SLC30A7: variants seen among roughly 807,000 people sequenced by gnomAD.
The protein encoded by SLC30A7 is zinc transporter 7.
Under a neutral mutation model 46.0 loss-of-function variants are expected in SLC30A7, and 35 were observed. That is an observed-to-expected ratio of 0.76 (90% CI 0.58 to 1.01). The LOEUF is 1.01. Ranked by LOEUF, SLC30A7 falls within the 50% of genes least tolerant of loss-of-function variation. SLC30A7 has a pLI of 0.00. For synonymous variants in SLC30A7, 147 were observed against 157.8 expected, an observed-to-expected ratio of 0.93 and a Z score of 0.51; for missense variants, 464 against 451.1, an observed-to-expected ratio of 1.03 and a Z score of -0.26.
chr1:100,968,492 A>C (rs1259795271), intron 10 of SLC30A7, among the ~76,000 whole-genome samples: 1 of 152,062 alleles, frequency 6.6e-6, no homozygotes, highest in Non-Finnish European at 1.5e-5. Flanking sequence ...TTTCCAAAGT[A>C]AAAAGTTGAA....
chr1:100,945,412 G>A (rs1396907697), intron 8 of SLC30A7, among the ~76,000 whole-genome samples: 1 of 152,070 alleles, frequency 6.6e-6, no homozygotes, highest in Non-Finnish European at 1.5e-5. Flanking sequence ...GGGGTTTTAT[G>A]GTTTTAGGTC....
chr1:100,909,413 T>C (rs1246859501), intron 3 of SLC30A7, among the ~76,000 whole-genome samples: 1 of 152,152 alleles, frequency 6.6e-6, no homozygotes, highest in Non-Finnish European at 1.5e-5. Flanking sequence ...ATACATCCAG[T>C]AGGTAGATAG....
intron 8 of SLC30A7, among the ~76,000 whole-genome samples, chr1:100,936,179 C>T (rs1040590278): frequency 6.6e-6 from 1 of 151,584 alleles, no homozygotes; most frequent in African/African-American, 2.4e-5. Context: ...TTTTGTCAAG[C>T]GGCTGAAGTG....
Position 100,903,783 on chromosome 1 carries a change from T to C in SLC30A7, c.183-3069T>C, listed in dbSNP as rs1487956668. Among the ~76,000 whole-genome samples the C allele has an allele frequency of 2.6e-5, 4 of 152,248 alleles. No homozygotes were observed. The East Asian group carries it at 7.7e-4, about 29-fold the overall frequency. ...GACTTAGTTTCTAATTATATAATTA[T>C]TCCAAATTATGAGAAAAATTTAAAA... On this transcript the variant is annotated intron_variant, in intron 2 of 10. Coordinates refer to ENST00000357650, the MANE Select transcript of SLC30A7 (RefSeq NM_133496.5).
chr1:100,931,297 A>T (rs754958409), intron 8 of SLC30A7, among the ~76,000 whole-genome samples: 113 of 152,214 alleles, frequency 7.4e-4, no homozygotes, highest in Non-Finnish European at 1.2e-3. Flanking sequence ...AGTATATTTT[A>T]AAAATTCCTG....
intron 8 of SLC30A7, among the ~76,000 whole-genome samples, chr1:100,951,222 G>C (rs574609510): frequency 6.6e-6 from 1 of 152,252 alleles, no homozygotes; most frequent in Non-Finnish European, 1.5e-5. Flanking sequence ...AAGCAGGGGA[G>C]GGGTATGTCA....
At chr1:100,952,433 T>C (rs1326848890) in intron 8 of SLC30A7, among the ~76,000 whole-genome samples, 17 of 152,164 alleles carry the variant, frequency 1.1e-4, no homozygotes, top group Admixed American at 1.1e-3. Context: ...CTGCCACACT[T>C]TCAGTAAAAG....
intron 8 of SLC30A7, among the ~76,000 whole-genome samples, chr1:100,960,831 T>C (rs868120987): frequency 6.6e-6 from 1 of 152,052 alleles, no homozygotes; most frequent in African/African-American, 2.4e-5. Context: ...AGATTCTGAT[T>C]CAATATATCA....
rs12127745 is a variant in SLC30A7 at position 100,955,632 on chromosome 1, G to A, written c.843-6196G>A. On this transcript the variant is annotated intron_variant, in intron 8 of 10. Transcript: ENST00000357650. ...CAGTCAGGAATTTGCTAAGCTTGTC[G>A]TTTTCTACATTTCCTTTCATTATGG... 5.9e-5 allele frequency among the ~76,000 whole-genome samples: 9 copies of A among 152,086 alleles called. No homozygotes were observed. In the East Asian group the frequency reaches 1.5e-3, roughly 26 times the overall value.
At chr1:100,928,594 ATTATT>A (rs1181430339) in intron 8 of SLC30A7, among the ~76,000 whole-genome samples, 10 of 151,914 alleles carry the variant, frequency 6.6e-5, no homozygotes, top group East Asian at 1.9e-4. Context: ...TTATTCTGAG[ATTATT>A]TTATTTTATT....
chr1:100,983,730 TTAAA>T (rs1391794925), downstream of SLC30A7, among the ~76,000 whole-genome samples: 11 of 152,232 alleles, frequency 7.2e-5, no homozygotes, highest in Non-Finnish European at 1.3e-4. Context: ...ATGGCATTGT[TTAAA>T]TGTGGTATTT....
At chr1:100,924,360 C>T (rs1381173212) in intron 8 of SLC30A7, among the ~76,000 whole-genome samples, 1 of 152,014 alleles carries the variant, frequency 6.6e-6, no homozygotes, top group East Asian at 1.9e-4. Context: ...CTCATATTTC[C>T]TCTATTCAAA....
At chr1:100,929,051 G>A (rs556778985) in intron 8 of SLC30A7, among the ~76,000 whole-genome samples, 2 of 151,884 alleles carry the variant, frequency 1.3e-5, no homozygotes, top group East Asian at 3.9e-4. Flanking sequence ...TCTAAACTAC[G>A]CATTTATCTT....
Position 100,978,618 on chromosome 1 carries a change from G to A in SLC30A7, c.*3761G>A, listed in dbSNP as rs1323409832. On this transcript the variant is annotated 3_prime_UTR_variant, in exon 11 of 11. Transcript: ENST00000357650. Reference sequence around the variant, plus strand: ...CAGATCTTCTGACTCGAAGTTGAGAGTTCTTTATACTCTATTATGCTGCCT... The same window carrying A: ...CAGATCTTCTGACTCGAAGTTGAGAATTCTTTATACTCTATTATGCTGCCT... The A allele has an allele frequency of 6.6e-6, 1 of 152,130 alleles. No homozygotes were observed. The highest frequency in any genetic ancestry group is 2.4e-5 in the African/African-American group (1 of 41,428). The allele number at this position is 152,130 out of a possible 1,614,324, so 9.4% of individuals were successfully genotyped here. A position where few individuals can be genotyped will look rare whatever the true frequency, so the allele number is the denominator to read the frequency against.
Position 100,979,046 on chromosome 1 carries a change from G to T in SLC30A7, c.*4189G>T, listed in dbSNP as rs1656743284. ...CTTGTCGTGTTGGCTTCCAGTCACT[G>T]GAAAAGCTTTTGCATTTTAAAGATT... On this transcript the variant is annotated 3_prime_UTR_variant, in exon 11 of 11. Coordinates refer to ENST00000357650, the MANE Select transcript of SLC30A7 (RefSeq NM_133496.5). 6.6e-6 allele frequency: 1 copy of T among 152,044 alleles called. No individual in the cohort carries two copies. Among genetic ancestry groups the T allele is most frequent in the Non-Finnish European group, 1.5e-5 (1 of 67,994 alleles). 9.4% of individuals were successfully genotyped at this position (152,044 alleles called of 1,614,324 possible).
chr1:100,995,031 C>A, the SLC30A7 span: 40 of 1,009,240 alleles, frequency 4.0e-5, no homozygotes, highest in African/African-American at 5.3e-4. Flanking sequence ...ATCTTTAGAA[C>A]TCAGGTCATT....
chr1:100,984,714 A>G (rs1657170231), downstream of SLC30A7, among the ~76,000 whole-genome samples: 1 of 152,226 alleles, frequency 6.6e-6, no homozygotes, highest in African/African-American at 2.4e-5. Flanking sequence ...AAGACCCAGC[A>G]ACTCACAACA....
At chr1:100,996,003 TA>T in the SLC30A7 span, 1 of 152,238 alleles carries the variant, frequency 6.6e-6, no homozygotes, top group Non-Finnish European at 1.5e-5. Context: ...GTGTTTCTTA[TA>T]AAGGATATCA....
At chr1:100,898,484 G>A (rs898778581) in intron 2 of SLC30A7, among the ~76,000 whole-genome samples, 1 of 152,018 alleles carries the variant, frequency 6.6e-6, no homozygotes, top group Non-Finnish European at 1.5e-5. Flanking sequence ...ATTGTGTTAT[G>A]TCTTCTAGCT....
Sources: allele counts gnomAD v4.1 joint callset (sites outside exome capture counted in the v4.1 genomes callset), GRCh38; gene constraint gnomAD v4.1.1; transcripts MANE v1.5; gene names NCBI Gene and HGNC (gene_info 2026-07-23, HGNC 2026-07-21).